LAMA1: variants seen among roughly 807,000 people sequenced by gnomAD.
LAMA1 encodes the protein laminin subunit alpha-1.
A neutral mutation model predicts 348.7 loss-of-function variants in LAMA1; 219 were observed. The ratio of observed to expected loss-of-function variants is 0.63; its 90% CI spans 0.56 to 0.70. The LOEUF (loss-of-function observed/expected upper bound fraction) is 0.70, where lower values mean the gene tolerates loss of function less well. Among genes scored for constraint, LAMA1 ranks in the 30% least tolerant of loss-of-function variants. The pLI is 0.00. For synonymous variants in LAMA1, 1,487 were observed against 1,491.0 expected (o/e 1.00, Z 0.06); for missense variants, 3,744 against 3,888.0 (o/e 0.96, Z 0.99).
rs151269602 is a variant in LAMA1 at position 6,998,119 on chromosome 18, A to T, written c.4664-235T>A. Among the ~76,000 whole-genome samples, 5 of 152,260 alleles carry T rather than the reference A, an allele frequency of 3.3e-5. No individual in the cohort carries two copies. The East Asian group carries it at 9.7e-4, about 29-fold the overall frequency. ...CGCCAAGACTCAGATCAGATAAGTA[A>T]CTTCCCAGAGGTCACACAGAAAGAA... is the stretch of plus-strand genomic sequence containing the variant. On this transcript the variant is annotated intron_variant, in intron 32 of 62. Transcript: ENST00000389658.
Position 7,096,547 on chromosome 18 carries a change from C to T in LAMA1, c.62-16090G>A, listed in dbSNP as rs570352958. On this transcript the variant is annotated intron_variant, in intron 1 of 62. Coordinates refer to ENST00000389658, the MANE Select transcript of LAMA1 (RefSeq NM_005559.4). The stretch of plus-strand genomic sequence containing the variant: ...GTGCGTGTCTGTAGTCCCAGCTACT[C>T]AGGAAGCTGAAGTGGGAAGATCTCT... 2.0e-5 allele frequency among the ~76,000 whole-genome samples: 3 copies of T among 152,020 alleles called. No individual in the cohort carries two copies. In the South Asian group the frequency reaches 6.3e-4, roughly 32 times the overall value.
chr18:7,050,990 A>G (rs2058060616), intron 3 of LAMA1, 54 bp from the exon 4 acceptor site: 2 of 1,603,008 alleles, frequency 1.2e-6, no homozygotes, highest in Non-Finnish European at 1.7e-6. Context: ...AGCCAGGCAC[A>G]GAATGAGAGC....
At chr18:6,950,425 G>A (rs1302177437) in intron 58 of LAMA1, among the ~76,000 whole-genome samples, 2 of 152,226 alleles carry the variant, frequency 1.3e-5, no homozygotes, top group Admixed American at 6.5e-5. Flanking sequence ...CAGGTAAAGC[G>A]TGCTGCACAC....
chr18:7,022,911 C>T (rs975154611), intron 19 of LAMA1, among the ~76,000 whole-genome samples: 27 of 152,256 alleles, frequency 1.8e-4, no homozygotes, highest in Admixed American at 9.8e-4. Flanking sequence ...TCACACTGGC[C>T]GCTCGGGTGG....
At chr18:6,956,154 A>G (rs964667499) in intron 56 of LAMA1, 3 of 332,774 alleles carry the variant, frequency 9.0e-6, no homozygotes, top group Admixed American at 9.0e-5. Context: ...ATTAGAGTGC[A>G]CACTTTAAAC....
Position 6,948,378 on chromosome 18 carries a change from CTTCGAGAGTGTTGCTAACACATACCAAGA to C in LAMA1, c.8706_8710+24del. On this transcript the variant is annotated splice_donor_variant and splice_donor_5th_base_variant and coding_sequence_variant and intron_variant, in exon 60 of 63. Coordinates refer to ENST00000389658, the MANE Select transcript of LAMA1 (RefSeq NM_005559.4). LOFTEE classifies it high-confidence loss of function. ...GAGTACAGACTCATTCGGGGACTGCCTTCGAGAGTGTTGCTAACACATACCAAGAGCTGCATATCCGCTTCCGTCAAAGT... is the reference window on the plus strand; with the variant it reads ...GAGTACAGACTCATTCGGGGACTGCCGCTGCATATCCGCTTCCGTCAAAGT... 1 of 1,614,110 alleles carries C rather than the reference CTTCGAGAGTGTTGCTAACACATACCAAGA, an allele frequency of 6.2e-7. No individual in the cohort carries two copies. Among genetic ancestry groups the C allele is most frequent in the Non-Finnish European group, 8.5e-7 (1 of 1,180,036 alleles).
chr18:6,978,068 G>T, intron 43 of LAMA1, 128 bp downstream of exon 43: 1 of 1,373,404 alleles, frequency 7.3e-7, no homozygotes, highest in Non-Finnish European at 1.0e-6. Context: ...CTTAATAAAG[G>T]CTAATCCAGA....
chr18:6,995,654 G>C, intron 33 of LAMA1, among the ~76,000 whole-genome samples: 1 of 152,018 alleles, frequency 6.6e-6, no homozygotes, highest in Non-Finnish European at 1.5e-5. Context: ...TTATATTTCT[G>C]ATATAGATAT....
chr18:7,076,183 G>T (rs138084013), intron 3 of LAMA1, among the ~76,000 whole-genome samples: 56 of 152,290 alleles, frequency 3.7e-4, no homozygotes, highest in African/African-American at 1.3e-3. Context: ...GTAAAAAAAA[G>T]TCATCAGAAG....
intron 48 of LAMA1, among the ~76,000 whole-genome samples, chr18:6,970,697 C>G (rs1200127886): frequency 4.0e-5 from 6 of 151,570 alleles, no homozygotes; most frequent in Admixed American, 3.9e-4. Context: ...GATCTTGGCT[C>G]TGCCTCCCGG....
chr18:6,947,049 AC>A (rs1180459260), intron 61 of LAMA1, 113 bp downstream of exon 61: 5 of 1,348,114 alleles, frequency 3.7e-6, no homozygotes, highest in Non-Finnish European at 5.3e-6. Context: ...TAGTAATGGG[AC>A]CATTGTTTGA....
At chr18:7,101,514 T>A (rs1201142432) in intron 1 of LAMA1, among the ~76,000 whole-genome samples, 1 of 152,178 alleles carries the variant, frequency 6.6e-6, no homozygotes, top group Non-Finnish European at 1.5e-5. Context: ...AGTAAAGGTA[T>A]GTTCATAATG....
intron 57 of LAMA1, 43 bp from the exon 58 acceptor site, chr18:6,951,014 C>G: frequency 7.6e-6 from 12 of 1,572,322 alleles, no homozygotes; most frequent in Non-Finnish European, 1.0e-5. Flanking sequence ...GAAACTTTTA[C>G]TTTTCATTTT....
intron 57 of LAMA1, 155 bp downstream of exon 57, chr18:6,955,198 C>G (rs1600345833): frequency 1.5e-6 from 1 of 684,650 alleles, no homozygotes; most frequent in Admixed American, 2.1e-5. Flanking sequence ...TGATTTGCAC[C>G]AACACTGAAT....
Position 7,015,797 on chromosome 18 carries a change from G to C in LAMA1, c.3051C>G (p.Pro1017=). 1 of 1,614,092 alleles carries C rather than the reference G, an allele frequency of 6.2e-7. No individual in the cohort carries two copies. Among genetic ancestry groups the C allele is most frequent in the Non-Finnish European group, 8.5e-7 (1 of 1,179,994 alleles). ...CACACTTCACACCCTGTGTGTGAGG[G>C]GGGCAGACACACTCTCCAGTTTCTG... The part of the protein sequence containing the change: ...CDPETGECVC[P]PHTQGVKCEE... Residue 1017 remains proline, a synonymous_variant, in exon 22 of 63, where the codon CCC becomes CCG. Transcript: ENST00000389658.
intron 26 of LAMA1, 77 bp from the exon 27 acceptor site, chr18:7,009,443 CT>C: frequency 6.7e-7 from 1 of 1,499,192 alleles, no homozygotes; most frequent in Non-Finnish European, 9.2e-7. Flanking sequence ...AGAATAAATT[CT>C]TTTATAAATT....
Position 7,015,830 on chromosome 18 carries a change from G to GT in LAMA1, c.3017_3018insA (p.Cys1007LeufsTer20), listed in dbSNP as rs2057885260. On this transcript the variant is annotated frameshift_variant, in exon 22 of 63. Transcript: ENST00000389658. LOFTEE classifies it high-confidence loss of function. ...CACACTCTCCAGTTTCTGGGTCGCA[G>GT]GTATTCTGAGTGTGTGGGCAGTCAC... 1 of 1,614,044 alleles carries GT rather than the reference G, an allele frequency of 6.2e-7. No homozygotes were observed. The highest frequency in any genetic ancestry group is 1.7e-5 in the Admixed American group (1 of 59,994).
At chr18:7,095,494 T>C (rs1299585113) in intron 1 of LAMA1, among the ~76,000 whole-genome samples, 2 of 152,162 alleles carry the variant, frequency 1.3e-5, no homozygotes, top group Non-Finnish European at 2.9e-5. Context: ...CCAGGAGCCC[T>C]CCCCTTCCTG....
At chr18:7,052,338 C>T (rs895021451) in intron 3 of LAMA1, among the ~76,000 whole-genome samples, 12 of 151,648 alleles carry the variant, frequency 7.9e-5, no homozygotes, top group African/African-American at 2.7e-4. Context: ...GGCTGAGTCA[C>T]GAGAATCACT....
Sources: allele counts gnomAD v4.1 joint callset (sites outside exome capture counted in the v4.1 genomes callset), GRCh38; gene constraint gnomAD v4.1.1; transcripts MANE v1.5; gene names NCBI Gene and HGNC (gene_info 2026-07-23, HGNC 2026-07-21).